The following TSHZ3 variants were observed in gnomAD, a reference collection of about 807,000 sequenced individuals.
TSHZ3 encodes teashirt homolog 3.
Under a neutral mutation model 64.5 loss-of-function variants are expected in TSHZ3, and 10 were observed. That is an observed-to-expected ratio of 0.16 (90% CI 0.10 to 0.26). The LOEUF is 0.26. Ranked by LOEUF, TSHZ3 falls within the 10% of genes least tolerant of loss-of-function variation. The pLI is 1.00. For synonymous variants in TSHZ3, 608 were observed against 593.1 expected, an observed-to-expected ratio of 1.03 and a Z score of -0.36; for missense variants, 1,242 against 1,421.7, an observed-to-expected ratio of 0.87 and a Z score of 2.03.
intron 5 of TSHZ3, among the ~76,000 whole-genome samples, chr19:31,156,579 T>A (rs1377862026): frequency 6.6e-6 from 1 of 152,178 alleles, no homozygotes. Context: ...CACAAAGATC[T>A]TTATGGGAGC....
chr19:31,266,300 C>A (rs940075616), intron 1 of TSHZ3, among the ~76,000 whole-genome samples: 1 of 152,006 alleles, frequency 6.6e-6, no homozygotes, highest in Admixed American at 6.6e-5. Context: ...CCGTTTCTAC[C>A]AAAAAATAAA....
chr19:31,285,897 GC>G (rs1483750079), intron 1 of TSHZ3, among the ~76,000 whole-genome samples: 2 of 151,526 alleles, frequency 1.3e-5, no homozygotes, highest in African/African-American at 4.9e-5. Context: ...GGGAACCTCT[GC>G]TGCCAGCTCC....
chr19:31,203,463 C>T (rs1032954873), intron 5 of TSHZ3, among the ~76,000 whole-genome samples: 2 of 152,016 alleles, frequency 1.3e-5, no homozygotes, highest in East Asian at 1.9e-4. Context: ...TCTGGCTGCT[C>T]CTTAGAAAAC....
Position 31,276,426 on chromosome 19 carries a change from A to T in TSHZ3, c.*121T>A. 1 of 947,986 alleles carries T rather than the reference A, an allele frequency of 1.1e-6. No individual in the cohort carries two copies. Among genetic ancestry groups the T allele is most frequent in the Non-Finnish European group, 1.6e-6 (1 of 623,626 alleles). The allele number at this position is 947,986 out of a possible 1,614,324, so 58.7% of individuals were successfully genotyped here. ...AGTTATACAAAACAGTCCAGCCCAGAGTGATTCTCTGCAGTTAAAATAAGA... is the reference window on the plus strand; with the variant it reads ...AGTTATACAAAACAGTCCAGCCCAGTGTGATTCTCTGCAGTTAAAATAAGA... On this transcript the variant is annotated 3_prime_UTR_variant, in exon 2 of 2. Coordinates refer to ENST00000240587, the MANE Select transcript of TSHZ3 (RefSeq NM_020856.4).
intron 1 of TSHZ3, among the ~76,000 whole-genome samples, chr19:31,313,147 A>G (rs566448395): frequency 6.6e-6 from 1 of 152,224 alleles, no homozygotes; most frequent in East Asian, 1.9e-4. Flanking sequence ...AGGCTTCCAG[A>G]GGAGACTCTG....
At chr19:31,187,523 T>C (rs1974830701) in intron 5 of TSHZ3, among the ~76,000 whole-genome samples, 1 of 152,150 alleles carries the variant, frequency 6.6e-6, no homozygotes, top group Admixed American at 6.5e-5. Flanking sequence ...GGTAGTCAAA[T>C]AATATATTCT....
At chr19:31,312,601 C>A (rs556963739) in intron 1 of TSHZ3, among the ~76,000 whole-genome samples, 8 of 152,286 alleles carry the variant, frequency 5.3e-5, no homozygotes, top group African/African-American at 1.4e-4. Flanking sequence ...GCTTTCAGGG[C>A]CCCTTTGGGA....
At chr19:31,338,188 G>A (rs558919715) in intron 1 of TSHZ3, among the ~76,000 whole-genome samples, 14 of 152,344 alleles carry the variant, frequency 9.2e-5, no homozygotes, top group Middle Eastern at 3.4e-3. Flanking sequence ...GAGCTTCACC[G>A]ACTCCTCAGG....
intron 5 of TSHZ3, among the ~76,000 whole-genome samples, chr19:31,193,572 G>A (rs983181709): frequency 2.3e-4 from 35 of 152,312 alleles, no homozygotes; most frequent in Admixed American, 6.5e-4. Flanking sequence ...ATACTTACTA[G>A]TTGTGTGAGC....
At chr19:31,315,055 T>C (rs940198628) in intron 1 of TSHZ3, among the ~76,000 whole-genome samples, 1 of 152,214 alleles carries the variant, frequency 6.6e-6, no homozygotes, top group African/African-American at 2.4e-5. Context: ...TGGACACTTC[T>C]GTCCTGGGCA....
At chr19:31,330,120 CT>C (rs113308669) in intron 1 of TSHZ3, among the ~76,000 whole-genome samples, 491 of 144,686 alleles carry the variant, frequency 3.4e-3, no homozygotes, top group Middle Eastern at 3.6e-3. Context: ...GGTCAAGATC[CT>C]TTTTTTTTTT....
intron 5 of TSHZ3, among the ~76,000 whole-genome samples, chr19:31,178,244 G>A (rs1974643484): frequency 6.6e-6 from 1 of 152,224 alleles, no homozygotes; most frequent in Non-Finnish European, 1.5e-5. Flanking sequence ...ACAGTTTGCA[G>A]AGAGAGCTGT....
At chr19:31,226,058 G>A (rs1975455848) in intron 4 of TSHZ3, among the ~76,000 whole-genome samples, 1 of 151,716 alleles carries the variant, frequency 6.6e-6, no homozygotes, top group African/African-American at 2.4e-5. Context: ...ATCGGGAGAT[G>A]GAGGTTGCAG....
At chr19:31,301,613 C>A (rs1411229930) in intron 1 of TSHZ3, among the ~76,000 whole-genome samples, 1 of 152,126 alleles carries the variant, frequency 6.6e-6, no homozygotes, top group Non-Finnish European at 1.5e-5. Flanking sequence ...GGAGACACCC[C>A]GGCAAAGGGA....
At chr19:31,208,605 G>A (rs1339126053) in intron 4 of TSHZ3, among the ~76,000 whole-genome samples, 1 of 152,220 alleles carries the variant, frequency 6.6e-6, no homozygotes, top group African/African-American at 2.4e-5. Context: ...AACTTGCAGG[G>A]TCCTTATGGG....
intron 1 of TSHZ3, among the ~76,000 whole-genome samples, chr19:31,287,845 G>A (rs1424351422): frequency 1.3e-5 from 2 of 152,134 alleles, no homozygotes; most frequent in East Asian, 1.9e-4. Flanking sequence ...TAGGGGAGCC[G>A]CTATGGGTCC....
intron 1 of TSHZ3, among the ~76,000 whole-genome samples, chr19:31,280,671 G>A (rs1432253050): frequency 2.6e-5 from 4 of 152,182 alleles, no homozygotes; most frequent in African/African-American, 9.7e-5. Context: ...TATTTACTCA[G>A]TATAAGCTTC....
At position 31,333,626 on chromosome 19, in the gene TSHZ3, C is replaced by T. The variant is rs892662181; in HGVS notation, c.40+15554G>A. ...GCTTGCAACAAAAAAAACAAACATG[C>T]TGATGTCACTCCAACCTGAGCTCTT... On this transcript the variant is annotated intron_variant, in intron 1 of 1. Coordinates refer to ENST00000240587, the MANE Select transcript of TSHZ3 (RefSeq NM_020856.4). Among the ~76,000 whole-genome samples the T allele has an allele frequency of 2.0e-5, 3 of 151,974 alleles. No individual in the cohort carries two copies. The South Asian group carries it at 6.2e-4, about 32-fold the overall frequency.
At chr19:31,266,371 G>A (rs773798269) in intron 1 of TSHZ3, among the ~76,000 whole-genome samples, 1 of 152,170 alleles carries the variant, frequency 6.6e-6, no homozygotes, top group Non-Finnish European at 1.5e-5. Context: ...GGGTGAGGCA[G>A]GAGGATGACT....
Sources: allele counts gnomAD v4.1 joint callset (sites outside exome capture counted in the v4.1 genomes callset), GRCh38; gene constraint gnomAD v4.1.1; transcripts MANE v1.5; gene names NCBI Gene and HGNC (gene_info 2026-07-23, HGNC 2026-07-21).